Variants in TTN observed in about 807,000 individuals in gnomAD.
TTN encodes titin, also known as connectin.
TTN carries 1,525 observed loss-of-function variants against 3,223.0 expected under a neutral mutation model. The ratio of observed to expected loss-of-function variants is 0.47; its 90% CI spans 0.45 to 0.49. TTN has a LOEUF of 0.49. TTN is among the 20% of genes least tolerant of loss of function. The pLI is 0.00. For missense variants in TTN, 40,786 were observed against 43,424.0 expected, an observed-to-expected ratio of 0.94 and a Z score of 5.40; for synonymous variants, 14,094 against 15,161.0, an observed-to-expected ratio of 0.93 and a Z score of 5.17.
At chr2:178,691,156 C>T (rs938531523) in intron 121 of TTN, among the ~76,000 whole-genome samples, 1 of 152,096 alleles carries the variant, frequency 6.6e-6, no homozygotes, top group Non-Finnish European at 1.5e-5. Context: ...AAAATAGAAA[C>T]ATTGCAAAGT....
intron 10 of TTN, among the ~76,000 whole-genome samples, chr2:178,791,825 A>G (rs2093520089): frequency 6.6e-6 from 1 of 152,122 alleles, no homozygotes; most frequent in South Asian, 2.1e-4. Flanking sequence ...TATGTTCTAG[A>G]AAGTTCATAG....
In TTN at chr2:178,724,096, C is replaced by A. The variant is rs375219301; in HGVS notation, c.21163G>T (p.Gly7055Trp). 6.8e-6 allele frequency: 11 copies of A among 1,613,208 alleles called. No homozygotes were observed. In the African/African-American group the frequency reaches 9.3e-5, roughly 14 times the overall value. Residue 7055 changes from glycine (G) to tryptophan (W), a missense_variant, in exon 73 of 363, where the codon GGG becomes TGG. Transcript: ENST00000589042. ...AAGATGCAAGAAGCACCTAACACCCCACCAGTATTTTTCAGTCTTCGTGTG... is the reference window on the plus strand; with the variant it reads ...AAGATGCAAGAAGCACCTAACACCCAACCAGTATTTTTCAGTCTTCGTGTG... ...SFTRRLKNTG[G>W]VLGASCILEC...
At chr2:178,796,682 C>G (rs890262888) in intron 6 of TTN, among the ~76,000 whole-genome samples, 6 of 152,120 alleles carry the variant, frequency 3.9e-5, no homozygotes, top group African/African-American at 1.4e-4. Flanking sequence ...TAAGTTTCAC[C>G]CTGTGCCTTG....
chr2:178,687,895 G>A (rs1004085997), intron 127 of TTN, among the ~76,000 whole-genome samples: 3 of 152,110 alleles, frequency 2.0e-5, no homozygotes, highest in African/African-American at 7.2e-5. Flanking sequence ...AGGCAAGTAA[G>A]AAGGGATGCA....
rs372419267 is a variant in TTN at position 178,611,064 on chromosome 2, G to T, written c.51065C>A (p.Ala17022Asp). 12 of 1,612,802 alleles carry T rather than the reference G, an allele frequency of 7.4e-6. No homozygotes were observed. Among genetic ancestry groups the T allele is most frequent in the African/African-American group, 1.3e-5 (1 of 74,952 alleles). The change falls in exon 270 of 363, where the codon GCC becomes GAC. Residue 17022 changes from alanine (A) to aspartate (D), a missense_variant. Ala to Asp is a moderately radical substitution (Grantham distance 126). Transcript: ENST00000589042. The stretch of plus-strand genomic sequence containing the variant: ...CTCCAGTGTAATGGTATAAATTCCG[G>T]CATCTGCACGGACACTCTTGGGAAC... ...LEVPKSVRAD[A>D]GIYTITLENK...
At chr2:178,594,740 T>A in intron 295 of TTN, 94 bp from the exon 296 acceptor site, 1 of 997,652 alleles carries the variant, frequency 1.0e-6, no homozygotes, top group East Asian at 2.5e-5. Context: ...AAGATTGCAT[T>A]TAAACATTAA....
rs1405410487 is a variant in TTN at position 178,774,338 on chromosome 2, T to C, written c.6926A>G (p.Asn2309Ser). 1 of 1,614,146 alleles carries C rather than the reference T, an allele frequency of 6.2e-7. No homozygotes were observed. The highest frequency in any genetic ancestry group is 2.2e-5 in the East Asian group (1 of 44,880). ...ACGAGATGTAATTGTATATTTGCCATTGGATTTAAGCTCCACATCATTATG... is the reference window on the plus strand; with the variant it reads ...ACGAGATGTAATTGTATATTTGCCACTGGATTTAAGCTCCACATCATTATG... Reference protein sequence around the residue: ...WYHNDVELKSNGKYTITSRRG... With the variant: ...WYHNDVELKSSGKYTITSRRG... The change falls in exon 30 of 363, where the codon AAT (asparagine) becomes AGT (serine). Residue 2309 changes from asparagine to serine, a missense_variant. By Grantham distance (46) the Asn-to-Ser change is conservative. Transcript: ENST00000589042.
chr2:178,575,275 G>A lies in TTN; in HGVS notation c.70857C>T (p.Ser23619=). The A allele has an allele frequency of 1.2e-6, 2 of 1,613,318 alleles. No homozygotes were observed. Among genetic ancestry groups the A allele is most frequent in the South Asian group, 1.1e-5 (1 of 91,064 alleles). ...TCTGCTCCTTGACAATGACGGGTCT[G>A]CTTTCTCTAGGGGCACTTCTCCCCG... ...NSAGRSAPRE[S]RPVIVKEQTM... Residue 23619 remains serine (S), a synonymous_variant, in exon 326 of 363, where the codon AGC becomes AGT. Transcript: ENST00000589042. The surrounding 1 kb of genome is among the most constrained non-coding windows in gnomAD (Gnocchi z 4.0).
rs750969532 is a variant in TTN at position 178,589,380 on chromosome 2, T to G, written c.62345A>C (p.Lys20782Thr). 6.2e-7 allele frequency: 1 copy of G among 1,613,448 alleles called. No homozygotes were observed. The highest frequency in any genetic ancestry group is 8.5e-7 in the Non-Finnish European group (1 of 1,179,626). The change falls in exon 304 of 363, where the codon AAA (lysine) becomes ACA (threonine). Residue 20782 changes from lysine (K) to threonine (T), a missense_variant. Lys to Thr is a moderately conservative substitution (Grantham distance 78, BLOSUM62 -1). Coordinates refer to ENST00000589042, the MANE Select transcript of TTN (RefSeq NM_001267550.2). ...CTCAAGCCTAATGGTGTCCCCTGCT[T>G]TGACAGTTAGGACCCCACTTAATTT... ...DLKLSGVLTVKAGDTIRLEAG... is the reference protein window; with the variant it reads ...DLKLSGVLTVTAGDTIRLEAG...
rs776320104 is a variant in TTN, at chr2:178,751,914, T to A, written c.11311+1210A>T. 6.3e-6 allele frequency: 10 copies of A among 1,590,958 alleles called. No individual in the cohort carries two copies. The South Asian group carries it at 9.2e-5, about 15-fold the overall frequency. ...GGCTTAAAATATTCAGGCCAGGAGC[T>A]TGTAGATGATATTCTACTTGCATAT... is the stretch of plus-strand genomic sequence containing the variant. On this transcript the variant is annotated intron_variant, in intron 47 of 362. Coordinates refer to ENST00000589042, the MANE Select transcript of TTN (RefSeq NM_001267550.2).
chr2:178,653,119 C>T lies in TTN; in HGVS notation c.38797G>A (p.Glu12933Lys), dbSNP rs1472683040. The T allele has an allele frequency of 1.2e-6, 2 of 1,612,504 alleles. No individual in the cohort carries two copies. The highest frequency in any genetic ancestry group is 2.2e-5 in the East Asian group (1 of 44,780). ...KPEVPPVKVP[E>K]APKEVVPEKK... ...TCAGGAACAACTTCTTTGGGAGCCT[C>T]TGGCACTTAAAAGATATTAGGTAAA... The change falls in exon 199 of 363, where the codon GAG becomes AAG. Residue 12933 changes from glutamate (E) to lysine (K), a missense_variant. Physicochemically the swap from Glu to Lys is moderately conservative, Grantham distance 56. Coordinates refer to ENST00000589042, the MANE Select transcript of TTN (RefSeq NM_001267550.2).
At chr2:178,793,635 C>T (rs1053987411) in intron 8 of TTN, 94 bp from the exon 9 acceptor site, 2 of 1,565,226 alleles carry the variant, frequency 1.3e-6, no homozygotes, top group East Asian at 4.5e-5. Flanking sequence ...AAATCCTCTA[C>T]TAAAAAATAC....
chr2:178,790,148 A>T, intron 11 of TTN, 33 bp from the exon 12 acceptor site: 1 of 1,600,200 alleles, frequency 6.2e-7, no homozygotes. Context: ...GAAAATAGTC[A>T]TTAAATTCCA....
rs372653064 is a variant in TTN at position 178,527,068 on chromosome 2, C to T, written c.107920G>A (p.Gly35974Arg). Residue 35974 changes from glycine (G) to arginine (R), a missense_variant, in exon 363 of 363, where the codon GGG (glycine) becomes AGG (arginine). Transcript: ENST00000589042. ...QDGGLYTLSL[G>R]NEFGSDSATV... ...GCAGAGTCAGATCCAAATTCATTCC[C>T]TAAACTCAGGGTATAAAGTCCACCA... is the stretch of plus-strand genomic sequence containing the variant. The T allele has an allele frequency of 9.9e-6, 16 of 1,613,758 alleles. 1 individual carries two copies. Among genetic ancestry groups the T allele is most frequent in the Middle Eastern group, 1.6e-4 (1 of 6,084 alleles).
intron 40 of TTN, 69 bp from the exon 41 acceptor site, chr2:178,766,681 T>A (rs1561185426): frequency 1.6e-6 from 2 of 1,275,486 alleles, no homozygotes; most frequent in Middle Eastern, 2.4e-4. Context: ...TCCTCCCAGT[T>A]AATCAATTTC....
chr2:178,779,982 C>A lies in TTN; in HGVS notation c.3729+18G>T. 2.5e-6 allele frequency: 4 copies of A among 1,607,168 alleles called. No homozygotes were observed. In the South Asian group the frequency reaches 4.4e-5, roughly 18 times the overall value. ...TAATTTATGAAATTGTTTGGTTGGT[C>A]ATTACTTTTATACTCACCTGATCTT... is the stretch of plus-strand genomic sequence containing the variant. On this transcript the variant is annotated intron_variant, in intron 22 of 362. Transcript: ENST00000589042.
rs794729575 is a variant in TTN, at chr2:178,777,539, T to G, written c.4526A>C (p.Glu1509Ala). ...NDYTHKVVIKEDGTQSLIIVP... is the reference protein window; with the variant it reads ...NDYTHKVVIKADGTQSLIIVP... ...AATAATTAGTGATTGAGTACCATCT[T>G]CTTTAATGACTACTTTATGGGTATA... Residue 1509 changes from glutamate (E) to alanine (A), a missense_variant, in exon 26 of 363, where the codon GAA becomes GCA. Physicochemically the swap from Glu to Ala is moderately radical, Grantham distance 107 (BLOSUM62 -1). Transcript: ENST00000589042. 2 of 1,614,000 alleles carry G rather than the reference T, an allele frequency of 1.2e-6. No homozygotes were observed. The highest frequency in any genetic ancestry group is 1.7e-6 in the Non-Finnish European group (2 of 1,179,954).
chr2:178,558,102 G>A lies in TTN; in HGVS notation c.87252C>T (p.Pro29084=). The A allele has an allele frequency of 6.2e-7, 1 of 1,613,822 alleles. No homozygotes were observed. Among genetic ancestry groups the A allele is most frequent in the Non-Finnish European group, 8.5e-7 (1 of 1,179,812 alleles). ...TATTAAATCTCATGGTTGCCTTAAG[G>A]GGGACACCATCTCTTGATAAGGTCA... ...PKVTLSRDGV[P]LKATMRFNTE... Residue 29084 remains proline (P), a synonymous_variant, in exon 328 of 363, where the codon CCC becomes CCT. Coordinates refer to ENST00000589042, the MANE Select transcript of TTN (RefSeq NM_001267550.2).
rs199796249 is a variant in TTN, at chr2:178,728,277, T to A, written c.19547A>T (p.Lys6516Met). ...GSLPISAQWF[K>M]DGKEISTSAK... ...ACTTGTAGATATTTCTTTTCCATCC[T>A]TAAACCACTGAGCACTAATGGGAAG... Residue 6516 changes from lysine (K) to methionine (M), a missense_variant, in exon 67 of 363, where the codon AAG (lysine) becomes ATG (methionine). By Grantham distance (95) the Lys-to-Met change is moderately conservative (BLOSUM62 -1). Transcript: ENST00000589042. 596 of 1,613,184 alleles carry A rather than the reference T, an allele frequency of 3.7e-4. No homozygotes were observed. The highest frequency in any genetic ancestry group is 4.6e-4 in the Non-Finnish European group (542 of 1,179,526).
Sources: allele counts gnomAD v4.1 joint callset (sites outside exome capture counted in the v4.1 genomes callset), GRCh38; gene constraint gnomAD v4.1.1; non-coding constraint Gnocchi (gnomAD v3.1); transcripts MANE v1.5; gene names NCBI Gene and HGNC (gene_info 2026-07-23, HGNC 2026-07-21).